Variants in PIK3R1 observed in about 807,000 individuals in gnomAD.
PIK3R1 encodes phosphoinositide-3-kinase regulatory subunit 1.
A neutral mutation model predicts 98.0 loss-of-function variants in PIK3R1; 29 were observed. That is an observed-to-expected ratio of 0.30 (90% CI 0.22 to 0.40). PIK3R1 has a LOEUF of 0.40. PIK3R1 is among the 10% of genes least tolerant of loss of function. The pLI is 1.00. For synonymous variants in PIK3R1, 282 were observed against 311.8 expected (o/e 0.90, Z 1.01); for missense variants, 596 against 872.7 (o/e 0.68, Z 3.99).
At chr5:68,271,200 G>A (rs1052150258) in intron 2 of PIK3R1, among the ~76,000 whole-genome samples, 3 of 152,284 alleles carry the variant, frequency 2.0e-5, no homozygotes, top group Non-Finnish European at 2.9e-5. Flanking sequence ...TCCAGGTGGT[G>A]CTTAGCTCTG....
At chr5:68,280,475 C>G (rs773123295) in intron 5 of PIK3R1, 53 bp from the exon 6 acceptor site, 2 of 1,250,970 alleles carry the variant, frequency 1.6e-6, no homozygotes, top group Non-Finnish European at 1.1e-6. Context: ...TTCACTGATA[C>G]CTGGAAGTAG....
intron 4 of PIK3R1, among the ~76,000 whole-genome samples, chr5:68,275,741 C>T (rs1435176835): frequency 6.6e-6 from 1 of 152,060 alleles, no homozygotes; most frequent in East Asian, 1.9e-4. Context: ...AGTGGATCTG[C>T]CAGATCTGTT....
chr5:68,270,475 G>T (rs1217544235), intron 2 of PIK3R1, among the ~76,000 whole-genome samples: 1 of 151,946 alleles, frequency 6.6e-6, no homozygotes, highest in African/African-American at 2.4e-5. Context: ...TAAGACTCTG[G>T]AATGAGACAA....
In PIK3R1 at chr5:68,215,783, G is replaced by GGAAGCA; in HGVS notation, c.-551_-546dup. ...CGCCAGCAGCTGGAGCGGAGTTGGA[G>GGAAGCA]GAAGCAGCGGCAGCGGCGAGGGCGG... On this transcript the variant is annotated 5_prime_UTR_variant, in exon 1 of 16. Transcript: ENST00000521381. 6.5e-6 allele frequency: 1 copy of GGAAGCA among 153,124 alleles called. No individual in the cohort carries two copies. Among genetic ancestry groups the GGAAGCA allele is most frequent in the Non-Finnish European group, 1.5e-5 (1 of 68,444 alleles). The allele number at this position is 153,124 out of a possible 1,614,324, so 9.5% of individuals were successfully genotyped here.
chr5:68,296,379 A>T (rs182605532), intron 15 of PIK3R1, 38 bp downstream of exon 15: 4 of 1,404,882 alleles, frequency 2.8e-6, no homozygotes, highest in African/African-American at 1.4e-5. Flanking sequence ...ACAACATCTC[A>T]TGAAGAGATG....
chr5:68,268,668 T>G (rs1330205118), intron 2 of PIK3R1, among the ~76,000 whole-genome samples: 2 of 152,218 alleles, frequency 1.3e-5, no homozygotes, highest in Non-Finnish European at 2.9e-5. Context: ...ACTGCTTCCA[T>G]CAGTAATGAA....
intron 2 of PIK3R1, among the ~76,000 whole-genome samples, chr5:68,253,236 T>G (rs1191691569): frequency 6.6e-6 from 1 of 152,198 alleles, no homozygotes. Flanking sequence ...GTATTTATGC[T>G]TTGAGCTGTG....
At chr5:68,292,229 T>C (rs1747434745) in intron 7 of PIK3R1, 30 bp from the exon 8 acceptor site, 6 of 1,430,034 alleles carry the variant, frequency 4.2e-6, no homozygotes, top group Non-Finnish European at 4.9e-6. Context: ...TAGTTGGGAT[T>C]GCGAACAACT....
intron 2 of PIK3R1, among the ~76,000 whole-genome samples, chr5:68,229,141 A>T (rs1744385407): frequency 6.6e-6 from 1 of 151,352 alleles, no homozygotes; most frequent in Non-Finnish European, 1.5e-5. Context: ...GGGGGGGGTC[A>T]TGTGGGGAGT....
At chr5:68,218,926 A>G (rs1235337185) in intron 1 of PIK3R1, among the ~76,000 whole-genome samples, 1 of 152,210 alleles carries the variant, frequency 6.6e-6, no homozygotes, top group Non-Finnish European at 1.5e-5. Flanking sequence ...TTTTCAAAGT[A>G]TTCATATCAT....
At chr5:68,271,625 C>T (rs1467081643) in intron 2 of PIK3R1, among the ~76,000 whole-genome samples, 1 of 152,200 alleles carries the variant, frequency 6.6e-6, no homozygotes, top group East Asian at 1.9e-4. Flanking sequence ...CTGCATTTTA[C>T]TCAATAACCG....
chr5:68,276,221 G>T (rs1003323147), intron 4 of PIK3R1, among the ~76,000 whole-genome samples: 1 of 152,144 alleles, frequency 6.6e-6, no homozygotes, highest in African/African-American at 2.4e-5. Context: ...GACATTTTAG[G>T]CTGGATAATT....
chr5:68,253,564 A>G (rs1260085795), intron 2 of PIK3R1, among the ~76,000 whole-genome samples: 1 of 152,172 alleles, frequency 6.6e-6, no homozygotes, highest in African/African-American at 2.4e-5. Context: ...TTCTATTTGG[A>G]TCATTTACTT....
At chr5:68,282,153 C>T (rs184747404) in intron 7 of PIK3R1, among the ~76,000 whole-genome samples, 109 of 152,140 alleles carry the variant, frequency 7.2e-4, no homozygotes, top group African/African-American at 2.6e-3. Flanking sequence ...AACAGGGGTG[C>T]CCAGAATTCT....
At chr5:68,217,914 A>G (rs1273250691) in intron 1 of PIK3R1, 1 of 152,184 alleles carries the variant, frequency 6.6e-6, no homozygotes, top group Admixed American at 6.5e-5. Context: ...ATTTACTTTT[A>G]ACTTTCATCT....
chr5:68,244,529 C>CCCCA (rs1745008128), intron 2 of PIK3R1, among the ~76,000 whole-genome samples: 1 of 47,310 alleles, frequency 2.1e-5, no homozygotes, highest in Admixed American at 1.4e-4. Flanking sequence ...CCCCGCCCCC[C>CCCCA]GCCGCCGCTT....
intron 7 of PIK3R1, chr5:68,288,871 A>C (rs1747225025): frequency 1.0e-6 from 1 of 998,390 alleles, no homozygotes; most frequent in Admixed American, 1.7e-5. Flanking sequence ...GGGAGGACAG[A>C]TGGGAGATTA....
rs148163987 is a variant in PIK3R1 at position 68,222,380 on chromosome 5, C to G, written c.-386-3910C>G. The stretch of plus-strand genomic sequence containing the variant: ...GACAGTCCTTGTGGCAGTGCCATAT[C>G]CCCCTAAGGAGGAGCTGGGTTATTG... On this transcript the variant is annotated intron_variant, in intron 1 of 15. Transcript: ENST00000521381. Among the ~76,000 whole-genome samples, 36 of 152,126 alleles carry G rather than the reference C, an allele frequency of 2.4e-4. 1 individual carries two copies. Among genetic ancestry groups the G allele is most frequent in the African/African-American group, 8.7e-4 (36 of 41,508 alleles).
chr5:68,272,893 C>T (rs1467813464), intron 2 of PIK3R1, among the ~76,000 whole-genome samples: 1 of 152,182 alleles, frequency 6.6e-6, no homozygotes, highest in African/African-American at 2.4e-5. Context: ...TGTTATAAAT[C>T]ATGTCAACTG....
Sources: allele counts gnomAD v4.1 joint callset (sites outside exome capture counted in the v4.1 genomes callset), GRCh38; gene constraint gnomAD v4.1.1; transcripts MANE v1.5; gene names NCBI Gene and HGNC (gene_info 2026-07-23, HGNC 2026-07-21).